TRAPPC8: variants seen among roughly 807,000 people sequenced by gnomAD.
TRAPPC8 encodes general sporulation gene 1 homolog.
A neutral mutation model predicts 174.3 loss-of-function variants in TRAPPC8; 54 were observed. The observed-to-expected ratio is 0.31, with a 90% CI of 0.25 to 0.39. The LOEUF (loss-of-function observed/expected upper bound fraction) is 0.39, where lower values mean the gene tolerates loss of function less well. TRAPPC8 is among the 10% of genes least tolerant of loss of function. The pLI is 1.00. For missense variants in TRAPPC8, 1,531 were observed against 1,699.1 expected (o/e 0.90, Z 1.74); for synonymous variants, 630 against 579.9 (o/e 1.09, Z -1.24).
At chr18:31,909,327 CA>C (rs1046613585) in intron 6 of TRAPPC8, among the ~76,000 whole-genome samples, 6 of 151,388 alleles carry the variant, frequency 4.0e-5, no homozygotes, top group African/African-American at 7.3e-5. Context: ...AAAAATATAA[CA>C]AAAAAAATTT....
intron 12 of TRAPPC8, among the ~76,000 whole-genome samples, chr18:31,889,107 C>T (rs569201710): frequency 2.0e-5 from 3 of 152,076 alleles, no homozygotes; most frequent in Admixed American, 6.5e-5. Flanking sequence ...TTTCCACAAA[C>T]TGTACTGTTT....
chr18:31,860,441 C>T (rs1470646549), intron 19 of TRAPPC8, among the ~76,000 whole-genome samples: 1 of 152,092 alleles, frequency 6.6e-6, no homozygotes, highest in African/African-American at 2.4e-5. Flanking sequence ...GTATGCTATA[C>T]ACATAGTAGT....
intron 2 of TRAPPC8, among the ~76,000 whole-genome samples, chr18:31,928,730 T>C (rs2037730133): frequency 6.6e-6 from 1 of 152,194 alleles, no homozygotes; most frequent in Admixed American, 6.5e-5. Flanking sequence ...TTTGTCTCCC[T>C]ACCAGATTAT....
chr18:31,836,028 A>G (rs1377589061), intron 27 of TRAPPC8, among the ~76,000 whole-genome samples: 1 of 152,198 alleles, frequency 6.6e-6, no homozygotes, highest in Non-Finnish European at 1.5e-5. Flanking sequence ...TGGCAGACCC[A>G]TGAGTATGGA....
chr18:31,909,064 C>A, intron 6 of TRAPPC8, 54 bp from the exon 7 acceptor site: 1 of 1,487,234 alleles, frequency 6.7e-7, no homozygotes, highest in Non-Finnish European at 9.0e-7. Flanking sequence ...GAAAACAGTG[C>A]TAATACTACC....
chr18:31,890,659 AAAT>A (rs1009386598), intron 12 of TRAPPC8, 73 bp downstream of exon 12: 10 of 1,509,230 alleles, frequency 6.6e-6, no homozygotes, highest in Admixed American at 2.1e-5. Context: ...GATCCTTTTT[AAAT>A]AATAAAAATG....
At chr18:31,933,700 T>C (rs1317294298) in intron 1 of TRAPPC8, among the ~76,000 whole-genome samples, 1 of 152,084 alleles carries the variant, frequency 6.6e-6, no homozygotes, top group Admixed American at 6.6e-5. Flanking sequence ...CAATGGAAAA[T>C]GCCTTATACC....
chr18:31,904,365 C>T (rs2145452311), intron 9 of TRAPPC8, among the ~76,000 whole-genome samples: 1 of 152,126 alleles, frequency 6.6e-6, no homozygotes, highest in South Asian at 2.1e-4. Flanking sequence ...GCCTGACCAA[C>T]ATGGAGAAAC....
At chr18:31,923,822 G>C (rs979693725) in intron 2 of TRAPPC8, among the ~76,000 whole-genome samples, 1 of 152,026 alleles carries the variant, frequency 6.6e-6, no homozygotes, top group African/African-American at 2.4e-5. Context: ...AGACCACTCT[G>C]GGCAACTTAG....
At chr18:31,838,925 T>A (rs1256095601) in intron 27 of TRAPPC8, among the ~76,000 whole-genome samples, 1 of 152,108 alleles carries the variant, frequency 6.6e-6, no homozygotes, top group African/African-American at 2.4e-5. Flanking sequence ...CCCATCCCCA[T>A]CCAGGGTGTT....
chr18:31,910,670 C>G (rs2036866498), intron 5 of TRAPPC8, among the ~76,000 whole-genome samples: 1 of 152,198 alleles, frequency 6.6e-6, no homozygotes, highest in Admixed American at 6.5e-5. Flanking sequence ...GTACTGTCAA[C>G]AGACGCAGTC....
chr18:31,906,355 G>C (rs2036659401), intron 9 of TRAPPC8, among the ~76,000 whole-genome samples: 1 of 144,654 alleles, frequency 6.9e-6, no homozygotes, highest in South Asian at 2.3e-4. Flanking sequence ...AAAAATTAGA[G>C]AACCAGAAAG....
At chr18:31,836,541 TGAA>T (rs1285197699) in intron 27 of TRAPPC8, among the ~76,000 whole-genome samples, 3 of 152,294 alleles carry the variant, frequency 2.0e-5, no homozygotes, top group African/African-American at 7.2e-5. Flanking sequence ...TAAACAGAGC[TGAA>T]GTAGAAGATT....
intron 26 of TRAPPC8, among the ~76,000 whole-genome samples, chr18:31,842,383 C>T: frequency 6.6e-6 from 1 of 152,232 alleles, no homozygotes; most frequent in South Asian, 2.1e-4. Context: ...ACTTAGGAAG[C>T]AAAGTTTCAG....
chr18:31,870,434 A>G lies in TRAPPC8; in HGVS notation c.2326T>C (p.Leu776=), dbSNP rs747403579. The part of the protein sequence containing the change: ...KVLLLLTDLS[L]LWKFHPKDFS... ...TCTTTAGGATGAAACTTCCAAAGCA[A>G]TGACAAATCAGTCAACAAAAGTAGA... Residue 776 remains leucine (L), a synonymous_variant, in exon 16 of 29, where the codon TTG becomes CTG. Coordinates refer to ENST00000283351, the MANE Select transcript of TRAPPC8 (RefSeq NM_014939.5). 3 of 1,613,170 alleles carry G rather than the reference A, an allele frequency of 1.9e-6. No homozygotes were observed. Among genetic ancestry groups the G allele is most frequent in the African/African-American group, 1.3e-5 (1 of 74,876 alleles).
chr18:31,915,979 C>T lies in TRAPPC8; in HGVS notation c.617+293G>A, dbSNP rs1477011102. 2.7e-5 allele frequency among the ~76,000 whole-genome samples: 4 copies of T among 149,814 alleles called. No homozygotes were observed. In the East Asian group the frequency reaches 5.9e-4, roughly 22 times the overall value. On this transcript the variant is annotated intron_variant, in intron 4 of 28. Coordinates refer to ENST00000283351, the MANE Select transcript of TRAPPC8 (RefSeq NM_014939.5). The stretch of plus-strand genomic sequence containing the variant: ...GGCTGAGGCAGGAGAATTGCTTGAA[C>T]CCAGGAGGCGGAGGTTGCAGTGAGC...
chr18:31,927,738 G>C (rs1333879930), intron 2 of TRAPPC8, among the ~76,000 whole-genome samples: 1 of 152,176 alleles, frequency 6.6e-6, no homozygotes, highest in Non-Finnish European at 1.5e-5. Flanking sequence ...ATGGGCTTTG[G>C]AGGTTAGCAA....
rs1335097217 is a variant in TRAPPC8, at chr18:31,857,822, G to A, written c.2906C>T (p.Pro969Leu). The part of the protein sequence containing the change: ...TFGGNTAVLT[P>L]LSPSASENCS... ...ATTCTCAGAAGCTGAGGGACTTAGTGGTGTTAGAACAGCAGTATTACCACC... is the reference window on the plus strand; with the variant it reads ...ATTCTCAGAAGCTGAGGGACTTAGTAGTGTTAGAACAGCAGTATTACCACC... The change falls in exon 20 of 29, where the codon CCA becomes CTA. Residue 969 changes from proline (P) to leucine (L), a missense_variant. By Grantham distance (98) the Pro-to-Leu change is moderately conservative. Coordinates refer to ENST00000283351, the MANE Select transcript of TRAPPC8 (RefSeq NM_014939.5). 5 of 1,614,146 alleles carry A rather than the reference G, an allele frequency of 3.1e-6. No individual in the cohort carries two copies. The highest frequency in any genetic ancestry group is 4.2e-6 in the Non-Finnish European group (5 of 1,180,030).
chr18:31,877,464 T>C (rs530268667), intron 12 of TRAPPC8, among the ~76,000 whole-genome samples: 1 of 150,192 alleles, frequency 6.7e-6, no homozygotes, highest in Non-Finnish European at 1.5e-5. Flanking sequence ...TACAAAACAT[T>C]ACCGGGGTGA....
Sources: gnomAD v4.1 joint callset for allele counts (sites outside exome capture counted in the v4.1 genomes callset) on GRCh38, gnomAD v4.1.1 for gene constraint, MANE v1.5 for transcripts, NCBI Gene and HGNC (gene_info 2026-07-23, HGNC 2026-07-21) for gene names.